DSCAM: variants seen among roughly 807,000 people sequenced by gnomAD.
The protein encoded by DSCAM is DS cell adhesion molecule.
DSCAM carries 47 observed loss-of-function variants against 217.7 expected under a neutral mutation model. The observed-to-expected ratio is 0.22, with a 90% CI of 0.17 to 0.28. The LOEUF (loss-of-function observed/expected upper bound fraction) is 0.28. Among genes scored for constraint, DSCAM ranks in the 10% least tolerant of loss-of-function variants. The pLI, the probability that DSCAM is intolerant of heterozygous loss-of-function variation, is 1.00. For synonymous variants in DSCAM, 1,056 were observed against 1,015.3 expected (o/e 1.04, Z -0.76); for missense variants, 2,080 against 2,618.3 (o/e 0.79, Z 4.49).
At chr21:40,169,713 A>G (rs930247351) in intron 15 of DSCAM, among the ~76,000 whole-genome samples, 2 of 152,318 alleles carry the variant, frequency 1.3e-5, no homozygotes, top group African/African-American at 4.8e-5. Context: ...AGATGTACTT[A>G]TAATTAAAAC....
At chr21:40,017,660 TC>T (rs566808098) in intron 32 of DSCAM, among the ~76,000 whole-genome samples, 4 of 151,786 alleles carry the variant, frequency 2.6e-5, no homozygotes, top group Non-Finnish European at 4.4e-5. Flanking sequence ...CAAGCGATTC[TC>T]CCCCCTCAGC....
chr21:40,137,832 T>G (rs921367715), intron 18 of DSCAM, among the ~76,000 whole-genome samples: 1 of 152,184 alleles, frequency 6.6e-6, no homozygotes, highest in Non-Finnish European at 1.5e-5. Context: ...CGGGAATAGC[T>G]TCTGAAGCAA....
Position 40,490,100 on chromosome 21 carries a change from G to A in DSCAM, c.509-120855C>T, listed in dbSNP as rs549835676. Among the ~76,000 whole-genome samples, 9 of 152,260 alleles carry A rather than the reference G, an allele frequency of 5.9e-5. No individual in the cohort carries two copies. The East Asian group carries it at 7.7e-4, about 13-fold the overall frequency. ...TACATGGCAGCAGGCAAGAGAGTGCGTGTGCAGGGGAACTCCCCTTTATAA... is the reference window on the plus strand; with the variant it reads ...TACATGGCAGCAGGCAAGAGAGTGCATGTGCAGGGGAACTCCCCTTTATAA... On this transcript the variant is annotated intron_variant, in intron 3 of 32. Coordinates refer to ENST00000400454, the MANE Select transcript of DSCAM (RefSeq NM_001389.5).
chr21:40,797,663 C>T (rs572623830), intron 1 of DSCAM, among the ~76,000 whole-genome samples: 36 of 151,960 alleles, frequency 2.4e-4, no homozygotes, highest in Admixed American at 1.2e-3. Context: ...ATCTTTATTT[C>T]GGAGTGCAGC....
chr21:40,244,842 A>G (rs976847495), intron 11 of DSCAM, among the ~76,000 whole-genome samples: 2 of 152,206 alleles, frequency 1.3e-5, no homozygotes, highest in African/African-American at 4.8e-5. Flanking sequence ...TTAAAAAGCA[A>G]GAAAGCTCAG....
intron 4 of DSCAM, among the ~76,000 whole-genome samples, chr21:40,362,370 T>C (rs1288021414): frequency 6.6e-6 from 1 of 152,248 alleles, no homozygotes; most frequent in Non-Finnish European, 1.5e-5. Flanking sequence ...GTTATTGCCA[T>C]AGGCATTTTT....
intron 3 of DSCAM, among the ~76,000 whole-genome samples, chr21:40,417,461 T>G (rs1289204393): frequency 1.3e-5 from 2 of 152,172 alleles, no homozygotes; most frequent in Non-Finnish European, 2.9e-5. Flanking sequence ...AATTTCTGAG[T>G]ACAATAGAAA....
chr21:40,402,135 C>T (rs1601615310), intron 3 of DSCAM, among the ~76,000 whole-genome samples: 2 of 134,378 alleles, frequency 1.5e-5, no homozygotes, highest in Admixed American at 8.7e-5. Flanking sequence ...CCTCGGCTCA[C>T]TGCAAGCTCC....
At chr21:40,058,118 C>T (rs1016412067) in intron 28 of DSCAM, among the ~76,000 whole-genome samples, 1 of 152,062 alleles carries the variant, frequency 6.6e-6, no homozygotes, top group Non-Finnish European at 1.5e-5. Context: ...GTGATCCACC[C>T]GCCTCAGCCT....
intron 1 of DSCAM, among the ~76,000 whole-genome samples, chr21:40,730,483 G>T (rs146624993): frequency 0.01 from 1,593 of 152,282 alleles, 28 homozygotes; most frequent in African/African-American, 0.037. Flanking sequence ...TGTGAAGACC[G>T]TGCCAGTCAC....
intron 11 of DSCAM, among the ~76,000 whole-genome samples, chr21:40,275,331 A>G (rs1376955973): frequency 6.6e-6 from 1 of 151,878 alleles, no homozygotes; most frequent in South Asian, 2.1e-4. Flanking sequence ...CTCTGCCTCA[A>G]AAAAAAAGTG....
chr21:40,152,755 G>GACAGTAAA (rs1425710614), intron 16 of DSCAM, among the ~76,000 whole-genome samples: 2 of 152,282 alleles, frequency 1.3e-5, no homozygotes, highest in Non-Finnish European at 2.9e-5. Flanking sequence ...CCTTTAAAGG[G>GACAGTAAA]ACAGTAAAAC....
At chr21:40,304,450 C>T (rs2074050167) in intron 9 of DSCAM, among the ~76,000 whole-genome samples, 1 of 152,226 alleles carries the variant, frequency 6.6e-6, no homozygotes, top group African/African-American at 2.4e-5. Context: ...TTTCACTTTA[C>T]CATTTGTGTG....
At position 40,013,291 on chromosome 21, in the gene DSCAM, A is replaced by G. The variant is rs762693803; in HGVS notation, c.5782T>C (p.Cys1928Arg). Residue 1928 changes from cysteine to arginine, a missense_variant, in exon 33 of 33, where the codon TGC (cysteine) becomes CGC (arginine). By Grantham distance (180) the Cys-to-Arg change is radical (BLOSUM62 -3). Around this residue, in one of 5 missense-constraint regions of DSCAM, gnomAD observed 145 missense variants for 138.5 expected, o/e 1.05. Coordinates refer to ENST00000400454, the MANE Select transcript of DSCAM (RefSeq NM_001389.5). Reference protein sequence around the residue: ...TSRDLSLGQACLEPQKSRTLK... With the variant: ...TSRDLSLGQARLEPQKSRTLK... ...GTCCGGCTTTTCTGAGGTTCCAAGC[A>G]TGCTTGTCCTAAGCTCAGGTCCCTG... The G allele has an allele frequency of 1.2e-6, 2 of 1,613,258 alleles. No homozygotes were observed. The highest frequency in any genetic ancestry group is 1.7e-6 in the Non-Finnish European group (2 of 1,179,656).
At chr21:40,803,275 C>A (rs1313423338) in intron 1 of DSCAM, among the ~76,000 whole-genome samples, 3 of 152,104 alleles carry the variant, frequency 2.0e-5, no homozygotes, top group African/African-American at 7.2e-5. Context: ...GCAAATGATG[C>A]CTTTGACGTT....
At chr21:40,187,708 C>A (rs1198695763) in intron 13 of DSCAM, among the ~76,000 whole-genome samples, 183 bp downstream of exon 13, 1 of 152,140 alleles carries the variant, frequency 6.6e-6, no homozygotes, top group African/African-American at 2.4e-5. Context: ...GGGGGCTTTA[C>A]TTTGACATAA....
chr21:40,646,018 G>A (rs568673744), intron 3 of DSCAM, among the ~76,000 whole-genome samples: 31 of 152,218 alleles, frequency 2.0e-4, no homozygotes, highest in East Asian at 1.5e-3. Context: ...TGGAGGCGGT[G>A]GAGGAGATAA....
In DSCAM at chr21:40,690,757, C is replaced by T. The variant is rs374593290; in HGVS notation, c.508+2053G>A. ...AGATTGCAAAAAGGTGAAACAAGAACAATGAGGATGCTGCTAATTAAAGAT... is the reference window on the plus strand; with the variant it reads ...AGATTGCAAAAAGGTGAAACAAGAATAATGAGGATGCTGCTAATTAAAGAT... On this transcript the variant is annotated intron_variant, in intron 3 of 32. Coordinates refer to ENST00000400454, the MANE Select transcript of DSCAM (RefSeq NM_001389.5). Among the ~76,000 whole-genome samples, 17 of 152,244 alleles carry T rather than the reference C, an allele frequency of 1.1e-4. No individual in the cohort carries two copies. In the South Asian group the frequency reaches 2.5e-3, roughly 22 times the overall value.
intron 3 of DSCAM, among the ~76,000 whole-genome samples, chr21:40,518,575 TAC>T (rs1160772763): frequency 3.5e-5 from 3 of 85,782 alleles, no homozygotes; most frequent in Non-Finnish European, 5.9e-5. Flanking sequence ...CATATATACA[TAC>T]ACACACATAT....
Sources: allele counts gnomAD v4.1 joint callset (sites outside exome capture counted in the v4.1 genomes callset), GRCh38; gene constraint gnomAD v4.1.1; regional missense constraint gnomAD v4.1.1; transcripts MANE v1.5; gene names NCBI Gene and HGNC (gene_info 2026-07-23, HGNC 2026-07-21).